WDR70: variants seen among roughly 807,000 people sequenced by gnomAD.
The protein encoded by WDR70 is WD repeat-containing protein 70.
Under a neutral mutation model 88.6 loss-of-function variants are expected in WDR70, and 53 were observed. The observed-to-expected ratio is 0.60, with a 90% CI of 0.48 to 0.75. WDR70 has a LOEUF of 0.75. Among genes scored for constraint, WDR70 ranks in the 30% least tolerant of loss-of-function variants. The pLI is 0.00. For synonymous variants in WDR70, 280 were observed against 270.0 expected (o/e 1.04, Z -0.36); for missense variants, 610 against 823.2 (o/e 0.74, Z 3.17).
intron 5 of WDR70, among the ~76,000 whole-genome samples, chr5:37,411,390 A>G (rs1471974120): frequency 2.7e-5 from 4 of 147,136 alleles, no homozygotes; most frequent in Non-Finnish European, 1.5e-5. Flanking sequence ...TCATCTCTAT[A>G]GTTCCTTGTG....
intron 9 of WDR70, among the ~76,000 whole-genome samples, chr5:37,536,109 G>T (rs1279378639): frequency 2.6e-5 from 4 of 152,124 alleles, no homozygotes; most frequent in African/African-American, 9.7e-5. Flanking sequence ...CACATTGTCT[G>T]ACTGTGATGA....
chr5:37,634,986 G>A (rs1166701102), intron 10 of WDR70, among the ~76,000 whole-genome samples: 3 of 152,058 alleles, frequency 2.0e-5, no homozygotes, highest in Non-Finnish European at 4.4e-5. Flanking sequence ...TCTTTCCCTA[G>A]ATCCTAGCTA....
intron 10 of WDR70, among the ~76,000 whole-genome samples, chr5:37,696,057 TAGC>T (rs1311050294): frequency 1.3e-5 from 2 of 152,198 alleles, no homozygotes; most frequent in Non-Finnish European, 2.9e-5. Flanking sequence ...TTCCCCATTG[TAGC>T]ACTTGTCGCT....
chr5:37,665,408 A>T (rs1745810400), intron 10 of WDR70, among the ~76,000 whole-genome samples: 1 of 152,198 alleles, frequency 6.6e-6, no homozygotes, highest in East Asian at 1.9e-4. Context: ...TCAACAGGAT[A>T]AACATAACAG....
At chr5:37,514,559 C>T (rs1025808892) in intron 8 of WDR70, among the ~76,000 whole-genome samples, 5 of 151,290 alleles carry the variant, frequency 3.3e-5, no homozygotes, top group African/African-American at 7.3e-5. Flanking sequence ...CCTGCACCCC[C>T]GAGGGGCCCC....
chr5:37,406,615 T>C (rs1035597927), intron 5 of WDR70, among the ~76,000 whole-genome samples: 2 of 152,212 alleles, frequency 1.3e-5, no homozygotes, highest in Admixed American at 1.3e-4. Context: ...AGTGAATGAA[T>C]GTATAAAGAA....
chr5:37,699,361 G>C (rs868401410), intron 11 of WDR70, among the ~76,000 whole-genome samples: 1 of 130,014 alleles, frequency 7.7e-6, no homozygotes, highest in African/African-American at 3.0e-5. Context: ...CACACACACA[G>C]TGTGTGTGTG....
intron 5 of WDR70, among the ~76,000 whole-genome samples, chr5:37,434,346 T>C (rs1325263111): frequency 1.3e-5 from 2 of 152,190 alleles, no homozygotes; most frequent in African/African-American, 4.8e-5. Flanking sequence ...ACCATATCAA[T>C]GAAGAAATGA....
At chr5:37,630,740 T>A (rs1744790565) in intron 10 of WDR70, among the ~76,000 whole-genome samples, 1 of 152,178 alleles carries the variant, frequency 6.6e-6, no homozygotes, top group African/African-American at 2.4e-5. Flanking sequence ...GCATAATCAA[T>A]ATGAAACCCC....
At chr5:37,729,066 C>G (rs1020666048) in intron 17 of WDR70, among the ~76,000 whole-genome samples, 3 of 152,120 alleles carry the variant, frequency 2.0e-5, no homozygotes, top group Non-Finnish European at 4.4e-5. Flanking sequence ...CACCTTTGGC[C>G]AATAGAAGCT....
intron 8 of WDR70, 129 bp downstream of exon 8, chr5:37,480,116 C>T (rs1739617784): frequency 8.5e-7 from 1 of 1,176,196 alleles, no homozygotes; most frequent in Admixed American, 2.5e-5. Flanking sequence ...TTTGTTCTCA[C>T]AATCATGTGG....
rs1416571778 is a variant in WDR70 at position 37,499,533 on chromosome 5, A to ATTT, written c.841-16981_841-16980insTTT. 3.7e-3 allele frequency among the ~76,000 whole-genome samples: 547 copies of ATTT among 146,362 alleles called. 3 individuals carry two copies. Among genetic ancestry groups the ATTT allele is most frequent in the African/African-American group, 7.0e-3 (277 of 39,388 alleles). ...ATGTTTGTTTTTCAGTTTTTTTTTA[A>ATTT]AAATATATATATTCTCAACTTAAGT... On this transcript the variant is annotated intron_variant, in intron 8 of 17. Coordinates refer to ENST00000265107, the MANE Select transcript of WDR70 (RefSeq NM_018034.4).
At chr5:37,539,161 A>C (rs139245466) in intron 9 of WDR70, among the ~76,000 whole-genome samples, 2 of 152,184 alleles carry the variant, frequency 1.3e-5, no homozygotes, top group East Asian at 3.8e-4. Flanking sequence ...GCTAATTGTC[A>C]TATTTACATC....
chr5:37,608,026 G>C (rs1744082488), intron 10 of WDR70, among the ~76,000 whole-genome samples: 1 of 148,658 alleles, frequency 6.7e-6, no homozygotes, highest in Non-Finnish European at 1.5e-5. Context: ...GAGCCTGACA[G>C]TCTGCAACAC....
intron 5 of WDR70, among the ~76,000 whole-genome samples, chr5:37,399,276 T>TCA (rs1398843159): frequency 6.6e-6 from 1 of 152,054 alleles, no homozygotes; most frequent in East Asian, 1.9e-4. Context: ...AGACTCTGTC[T>TCA]CACACACACA....
intron 7 of WDR70, among the ~76,000 whole-genome samples, chr5:37,464,425 T>C (rs1199758222): frequency 3.3e-5 from 5 of 152,184 alleles, no homozygotes; most frequent in Admixed American, 3.3e-4. Flanking sequence ...TTGATTAGAA[T>C]AGAGAAATCA....
At chr5:37,627,465 G>T (rs1358594371) in intron 10 of WDR70, among the ~76,000 whole-genome samples, 1 of 151,932 alleles carries the variant, frequency 6.6e-6, no homozygotes, top group Non-Finnish European at 1.5e-5. Flanking sequence ...TTACTAATTT[G>T]GGGTTTGTTT....
chr5:37,594,270 G>C (rs1406426394), intron 9 of WDR70, among the ~76,000 whole-genome samples: 29 of 152,064 alleles, frequency 1.9e-4, no homozygotes, highest in Non-Finnish European at 5.9e-5. Flanking sequence ...GGTTTTTATG[G>C]TTTTAGGTCT....
intron 9 of WDR70, among the ~76,000 whole-genome samples, chr5:37,572,157 C>G (rs2112406294): frequency 6.6e-6 from 1 of 152,032 alleles, no homozygotes. Context: ...ATACACATGG[C>G]CAGATTCCAA....
Sources: gnomAD v4.1 joint callset for allele counts (sites outside exome capture counted in the v4.1 genomes callset) on GRCh38, gnomAD v4.1.1 for gene constraint, MANE v1.5 for transcripts, NCBI Gene and HGNC (gene_info 2026-07-23, HGNC 2026-07-21) for gene names.